Variants in BRINP3 observed in about 807,000 individuals in gnomAD.
The protein encoded by BRINP3 is BMP/retinoic acid-inducible neural-specific protein 3.
Under a neutral mutation model 71.0 loss-of-function variants are expected in BRINP3, and 19 were observed. That is an observed-to-expected ratio of 0.27 (90% confidence interval 0.19 to 0.39). BRINP3 has a LOEUF of 0.39. Among genes scored for constraint, BRINP3 ranks in the 10% least tolerant of loss-of-function variants. BRINP3 has a pLI of 1.00. For missense variants in BRINP3, 959 were observed against 940.8 expected, an observed-to-expected ratio of 1.02 and a Z score of -0.25; for synonymous variants, 380 against 337.7, an observed-to-expected ratio of 1.13 and a Z score of -1.37.
intron 2 of BRINP3, among the ~76,000 whole-genome samples, chr1:190,415,589 G>C (rs949942266): frequency 6.6e-6 from 1 of 152,044 alleles, no homozygotes; most frequent in Non-Finnish European, 1.5e-5. Context: ...TGAAAATCTA[G>C]ATATAATATA....
At position 190,098,272 on chromosome 1, in the gene BRINP3, G is replaced by T; in HGVS notation, c.2047C>A (p.Leu683Met). The T allele has an allele frequency of 6.2e-7, 1 of 1,614,126 alleles. No individual in the cohort carries two copies. The highest frequency in any genetic ancestry group is 8.5e-7 in the Non-Finnish European group (1 of 1,180,028). Residue 683 changes from leucine (L) to methionine (M), a missense_variant, in exon 8 of 8, where the codon CTG becomes ATG. By Grantham distance (15) the Leu-to-Met change is conservative. Transcript: ENST00000367462. ...MHFDPEAIRD[L>M]ILQLDYPYTQ... ...TAGGGGTAGTCCAGCTGCAAAATCA[G>T]GTCCCGAATTGCTTCAGGGTCAAAG... is the stretch of plus-strand genomic sequence containing the variant.
intron 1 of BRINP3, among the ~76,000 whole-genome samples, chr1:190,468,744 G>C (rs1476423201): frequency 4.0e-5 from 6 of 151,000 alleles, no homozygotes; most frequent in African/African-American, 7.3e-5. Flanking sequence ...GGGAGTAGAG[G>C]AGGCTTATGA....
At chr1:190,345,610 A>G (rs1667966618) in intron 2 of BRINP3, among the ~76,000 whole-genome samples, 1 of 151,224 alleles carries the variant, frequency 6.6e-6, no homozygotes, top group Non-Finnish European at 1.5e-5. Context: ...TGCATGTCAA[A>G]TTATTTAGAA....
intron 2 of BRINP3, among the ~76,000 whole-genome samples, chr1:190,424,093 AT>A (rs1273804291): frequency 1.3e-5 from 2 of 151,692 alleles, no homozygotes; most frequent in Non-Finnish European, 3.0e-5. Context: ...ATAGTCAAAA[AT>A]ATATATAGTC....
At chr1:190,148,336 C>G (rs866080782) in intron 7 of BRINP3, among the ~76,000 whole-genome samples, 4 of 151,774 alleles carry the variant, frequency 2.6e-5, no homozygotes, top group South Asian at 2.1e-4. Flanking sequence ...GTGGCTCACG[C>G]GTCATCCCAA....
chr1:190,375,586 C>A (rs1558230742), intron 2 of BRINP3, among the ~76,000 whole-genome samples: 4 of 151,684 alleles, frequency 2.6e-5, no homozygotes. Flanking sequence ...AGAGACCAAC[C>A]CAACAGAAAA....
intron 7 of BRINP3, among the ~76,000 whole-genome samples, chr1:190,159,078 A>T (rs1433116439): frequency 2.0e-5 from 3 of 152,128 alleles, no homozygotes; most frequent in Non-Finnish European, 4.4e-5. Flanking sequence ...TCCATAAAAG[A>T]TATACAATGA....
intron 2 of BRINP3, among the ~76,000 whole-genome samples, chr1:190,409,368 A>C (rs942458749): frequency 6.6e-6 from 1 of 152,204 alleles, no homozygotes; most frequent in African/African-American, 2.4e-5. Context: ...TACTATGGAC[A>C]CAGCATAGTT....
chr1:190,282,013 TA>T (rs1663079882), intron 2 of BRINP3, among the ~76,000 whole-genome samples: 1 of 151,578 alleles, frequency 6.6e-6, no homozygotes, highest in Non-Finnish European at 1.5e-5. Context: ...TATATTTTCA[TA>T]AAAACGACTT....
chr1:190,406,655 G>A (rs2102386709), intron 2 of BRINP3, among the ~76,000 whole-genome samples: 1 of 152,128 alleles, frequency 6.6e-6, no homozygotes, highest in Admixed American at 6.5e-5. Context: ...TTATCATTGT[G>A]GACAAGGAGT....
At chr1:190,337,010 A>G (rs1372039519) in intron 2 of BRINP3, among the ~76,000 whole-genome samples, 1 of 151,910 alleles carries the variant, frequency 6.6e-6, no homozygotes, top group East Asian at 1.9e-4. Context: ...CTATAGCTAC[A>G]TACAATATTA....
intron 7 of BRINP3, among the ~76,000 whole-genome samples, chr1:190,153,154 T>C (rs1444904888): frequency 2.0e-5 from 3 of 151,538 alleles, no homozygotes; most frequent in African/African-American, 7.3e-5. Context: ...ACATGCACGA[T>C]TTTTTTTCCT....
intron 2 of BRINP3, among the ~76,000 whole-genome samples, chr1:190,426,372 A>T (rs929261275): frequency 6.6e-6 from 1 of 151,886 alleles, no homozygotes; most frequent in African/African-American, 2.4e-5. Flanking sequence ...GAAGATAATA[A>T]GACAGGTTGA....
At chr1:190,468,723 T>A (rs1268412817) in intron 1 of BRINP3, among the ~76,000 whole-genome samples, 1 of 151,118 alleles carries the variant, frequency 6.6e-6, no homozygotes, top group Non-Finnish European at 1.5e-5. Flanking sequence ...ATTGTATATC[T>A]TTTGGGGGGT....
At chr1:190,127,366 C>A (rs1654171047) in intron 7 of BRINP3, among the ~76,000 whole-genome samples, 1 of 151,710 alleles carries the variant, frequency 6.6e-6, no homozygotes, top group African/African-American at 2.4e-5. Flanking sequence ...TATAGTTATT[C>A]ATTTATATAA....
At chr1:190,347,385 C>A (rs927633786) in intron 2 of BRINP3, among the ~76,000 whole-genome samples, 4 of 152,106 alleles carry the variant, frequency 2.6e-5, no homozygotes. Flanking sequence ...CATGATCCGC[C>A]CACCTTGGCC....
rs138240470 is a variant in BRINP3, at chr1:190,174,014, G to A, written c.962-13124C>T. Among the ~76,000 whole-genome samples, 111 of 152,234 alleles carry A rather than the reference G, an allele frequency of 7.3e-4. 1 individual carries two copies. In the East Asian group the frequency reaches 0.02, roughly 28 times the overall value. On this transcript the variant is annotated intron_variant, in intron 6 of 7. Transcript: ENST00000367462. ...ACATATCTATTTTATTATAATAAGA[G>A]GCTTGATCTTGTGGACTTCCTCAAA... is the stretch of plus-strand genomic sequence containing the variant.
Position 190,256,625 on chromosome 1 carries a change from G to A in BRINP3, c.618+8240C>T, listed in dbSNP as rs529582841. Among the ~76,000 whole-genome samples, 34 of 152,200 alleles carry A rather than the reference G, an allele frequency of 2.2e-4. No homozygotes were observed. The East Asian group carries it at 2.7e-3, about 12-fold the overall frequency. On this transcript the variant is annotated intron_variant, in intron 4 of 7. Coordinates refer to ENST00000367462, the MANE Select transcript of BRINP3 (RefSeq NM_199051.3). ...GGCATGTTTTGCAGTGGCTGGTACC[G>A]GTTGTTCCATTCCATGTTTAGTGCT...
At chr1:190,312,190 T>G (rs1428840567) in intron 2 of BRINP3, among the ~76,000 whole-genome samples, 1 of 150,130 alleles carries the variant, frequency 6.7e-6, no homozygotes, top group Non-Finnish European at 1.5e-5. Flanking sequence ...ATGATGATCT[T>G]TCGTAAATTG....
Sources: gnomAD v4.1 joint callset for allele counts (sites outside exome capture counted in the v4.1 genomes callset) on GRCh38, gnomAD v4.1.1 for gene constraint, MANE v1.5 for transcripts, NCBI Gene and HGNC (gene_info 2026-07-23, HGNC 2026-07-21) for gene names.